Variants in CCDC7 observed in about 807,000 individuals in gnomAD.
CCDC7 encodes coiled-coil domain containing 7.
A neutral mutation model predicts 196.9 loss-of-function variants in CCDC7; 183 were observed. That is an observed-to-expected ratio of 0.93 (90% CI 0.82 to 1.05). CCDC7 has a LOEUF of 1.05. CCDC7 is among the 50% of genes least tolerant of loss of function. CCDC7 has a pLI of 0.00. For synonymous variants in CCDC7, 525 were observed against 484.6 expected (o/e 1.08, Z -1.10); for missense variants, 1,540 against 1,482.2 (o/e 1.04, Z -0.64).
chr10:32,848,498 T>G, intron 38 of CCDC7, 98 bp from the exon 40 acceptor site: 1 of 899,248 alleles, frequency 1.1e-6, no homozygotes, highest in Non-Finnish European at 1.7e-6. Context: ...GGAAGAAAAA[T>G]TACCAAGGCA....
intron 28 of CCDC7, among the ~76,000 whole-genome samples, chr10:32,761,954 T>C (rs2077529265): frequency 6.6e-6 from 1 of 151,940 alleles, no homozygotes; most frequent in Non-Finnish European, 1.5e-5. Flanking sequence ...AATAAACATT[T>C]CCACATGGAT....
intron 15 of CCDC7, among the ~76,000 whole-genome samples, chr10:32,571,321 T>C (rs1038199097): frequency 6.6e-6 from 1 of 152,112 alleles, no homozygotes; most frequent in African/African-American, 2.4e-5. Flanking sequence ...CCTAACCTTT[T>C]GGTTACATAC....
At chr10:32,762,348 G>T (rs1227184431) in intron 28 of CCDC7, among the ~76,000 whole-genome samples, 1 of 151,384 alleles carries the variant, frequency 6.6e-6, no homozygotes, top group Non-Finnish European at 1.5e-5. Flanking sequence ...TCCTGGAAGT[G>T]GTTTGTTGGC....
At chr10:32,472,800 C>T (rs1363319770) in intron 7 of CCDC7, among the ~76,000 whole-genome samples, 8 of 151,300 alleles carry the variant, frequency 5.3e-5, no homozygotes, top group Non-Finnish European at 8.8e-5. Flanking sequence ...CTCACTATGT[C>T]GCCCAGGCTG....
intron 28 of CCDC7, among the ~76,000 whole-genome samples, chr10:32,732,739 C>T (rs1313596590): frequency 6.6e-6 from 1 of 152,158 alleles, no homozygotes; most frequent in Admixed American, 6.5e-5. Context: ...TTCTCATATA[C>T]CACCTTCCCC....
upstream of CCDC7, among the ~76,000 whole-genome samples, chr10:32,444,124 A>G (rs2030469827): frequency 7.9e-6 from 1 of 126,820 alleles, no homozygotes; most frequent in Admixed American, 7.5e-5. Flanking sequence ...CTCCAGTATA[A>G]TACTGAATAG....
intron 18 of CCDC7, among the ~76,000 whole-genome samples, chr10:32,600,151 A>G (rs905555280): frequency 1.3e-5 from 2 of 151,024 alleles, no homozygotes; most frequent in African/African-American, 4.8e-5. Flanking sequence ...ATTCTGTACA[A>G]TAGGCAGTAT....
At chr10:32,868,468 G>A (rs1311027336) in intron 41 of CCDC7, among the ~76,000 whole-genome samples, 2 of 151,932 alleles carry the variant, frequency 1.3e-5, no homozygotes, top group East Asian at 1.9e-4. Flanking sequence ...TTCTTACTAT[G>A]TGAATGGAAG....
At position 32,740,421 on chromosome 10, in the gene CCDC7, G is replaced by A. The variant is rs529047211; in HGVS notation, c.2905+10964G>A. ...TTGAACTGTGTGGGTCCACTCATAT[G>A]TGGCTTTTTTTCCAACCAAATATAG... On this transcript the variant is annotated intron_variant, in intron 28 of 41. Coordinates refer to ENST00000639629, the Ensembl canonical transcript of CCDC7. Among the ~76,000 whole-genome samples the A allele has an allele frequency of 1.5e-4, 23 of 152,290 alleles. No individual in the cohort carries two copies. The South Asian group carries it at 4.6e-3, about 30-fold the overall frequency.
chr10:32,622,307 A>G (rs1441190998), intron 18 of CCDC7, among the ~76,000 whole-genome samples: 1 of 152,132 alleles, frequency 6.6e-6, no homozygotes, highest in Non-Finnish European at 1.5e-5. Context: ...TCAAATAGGT[A>G]AATTCAAACA....
intron 22 of CCDC7, among the ~76,000 whole-genome samples, chr10:32,687,382 T>TC (rs1285342976): frequency 6.6e-6 from 1 of 152,118 alleles, no homozygotes; most frequent in Non-Finnish European, 1.5e-5. Flanking sequence ...CCACAGTAGT[T>TC]CCCCTTAGGG....
At position 32,640,964 on chromosome 10, in the gene CCDC7, C is replaced by T. The variant is rs907523185; in HGVS notation, c.2014+5806C>T. Among the ~76,000 whole-genome samples, 10 of 146,310 alleles carry T rather than the reference C, an allele frequency of 6.8e-5. No homozygotes were observed. The South Asian group carries it at 8.8e-4, about 13-fold the overall frequency. On this transcript the variant is annotated intron_variant, in intron 20 of 41. Transcript: ENST00000639629. Reference sequence around the variant, plus strand: ...TATGTATACATGTGCCATGCTGGTGCGCTGCACCCACTAATGTGTCATCTA... The same window carrying T: ...TATGTATACATGTGCCATGCTGGTGTGCTGCACCCACTAATGTGTCATCTA...
chr10:32,672,227 G>T (rs2074192668), intron 21 of CCDC7, among the ~76,000 whole-genome samples: 1 of 152,118 alleles, frequency 6.6e-6, no homozygotes, highest in Non-Finnish European at 1.5e-5. Context: ...TGAAATAGCT[G>T]GGCAGCTAAG....
intron 24 of CCDC7, among the ~76,000 whole-genome samples, chr10:32,696,487 T>A (rs991180741): frequency 1.3e-5 from 2 of 152,100 alleles, no homozygotes; most frequent in African/African-American, 4.8e-5. Flanking sequence ...TTCTGTTTTT[T>A]TTTTTTAAGC....
At chr10:32,686,056 A>G (rs2076430389) in exon 22 of CCDC7, 1 of 1,531,460 alleles carries the variant, frequency 6.5e-7, no homozygotes, top group Non-Finnish European at 8.9e-7. Flanking sequence ...GAAACAAGAA[A>G]CTTCTACAGA....
At chr10:32,560,823 A>G (rs1442888425) in intron 13 of CCDC7, among the ~76,000 whole-genome samples, 1 of 152,288 alleles carries the variant, frequency 6.6e-6, no homozygotes, top group African/African-American at 2.4e-5. Context: ...ACATAACAAT[A>G]TTAACTTTAA....
At chr10:32,541,367 G>A (rs1468997528) in intron 11 of CCDC7, among the ~76,000 whole-genome samples, 1 of 144,582 alleles carries the variant, frequency 6.9e-6, no homozygotes, top group Non-Finnish European at 1.5e-5. Context: ...TTGCCCATAT[G>A]GGTATCAATG....
intron 9 of CCDC7, among the ~76,000 whole-genome samples, chr10:32,498,719 CT>C (rs2043312997): frequency 6.6e-6 from 1 of 152,056 alleles, no homozygotes; most frequent in South Asian, 2.1e-4. Context: ...CCCCCAATCT[CT>C]TCTGGCTTGC....
In CCDC7 at chr10:32,621,278, G is replaced by A. The variant is rs529894965; in HGVS notation, c.1802-12976G>A. On this transcript the variant is annotated intron_variant, in intron 18 of 41. Transcript: ENST00000639629. The stretch of plus-strand genomic sequence containing the variant: ...TCCATTACCATCTCTTGAAGATACC[G>A]CTGTCTCTTCTTTATACCACAAAGA... Among the ~76,000 whole-genome samples the A allele has an allele frequency of 1.4e-4, 22 of 152,152 alleles. 1 individual carries two copies. The highest frequency in any genetic ancestry group is 3.4e-4 in the African/African-American group (14 of 41,516).
Sources: gnomAD v4.1 joint callset for allele counts (sites outside exome capture counted in the v4.1 genomes callset) on GRCh38, gnomAD v4.1.1 for gene constraint, MANE v1.5 for transcripts, NCBI Gene and HGNC (gene_info 2026-07-23, HGNC 2026-07-21) for gene names.